LAMA1: variants seen among roughly 807,000 people sequenced by gnomAD.
LAMA1 encodes laminin subunit alpha 1, also known as laminin subunit alpha-1.
A neutral mutation model predicts 348.7 loss-of-function variants in LAMA1; 219 were observed. That is an observed-to-expected ratio of 0.63 (90% CI 0.56 to 0.70). The LOEUF (loss-of-function observed/expected upper bound fraction) is 0.70. Ranked by LOEUF, LAMA1 falls within the 30% of genes least tolerant of loss-of-function variation. LAMA1 has a pLI of 0.00. For missense variants in LAMA1, 3,744 were observed against 3,888.0 expected (o/e 0.96, Z 0.99); for synonymous variants, 1,487 against 1,491.0 (o/e 1.00, Z 0.06).
At position 7,032,964 on chromosome 18, in the gene LAMA1, C is replaced by T. The variant is rs1165825167; in HGVS notation, c.2163+20G>A. 1 of 1,558,332 alleles carries T rather than the reference C, an allele frequency of 6.4e-7. No homozygotes were observed. The highest frequency in any genetic ancestry group is 8.8e-7 in the Non-Finnish European group (1 of 1,139,196). ...TTAGGAAGGAACGAAAGGAAAAAGA[C>T]AGGAAGAGAGAAGCGTCACCTCACA... is the stretch of plus-strand genomic sequence containing the variant. On this transcript the variant is annotated intron_variant, in intron 15 of 62. Transcript: ENST00000389658.
chr18:7,111,515 A>G (rs2058335831), intron 1 of LAMA1, among the ~76,000 whole-genome samples: 1 of 152,214 alleles, frequency 6.6e-6, no homozygotes, highest in South Asian at 2.1e-4. Context: ...TGTCACACCC[A>G]GTATAAAGGA....
intron 28 of LAMA1, among the ~76,000 whole-genome samples, chr18:7,007,616 G>A (rs2057838576): frequency 2.0e-5 from 3 of 152,120 alleles, no homozygotes; most frequent in Non-Finnish European, 2.9e-5. Flanking sequence ...ATATGATTCT[G>A]CAAGTCCACT....
At chr18:6,965,683 C>G (rs758659606) in intron 49 of LAMA1, 3 of 514,440 alleles carry the variant, frequency 5.8e-6, no homozygotes, top group Non-Finnish European at 7.0e-6. Context: ...GGAATCTCCT[C>G]GTATCTTTTT....
In LAMA1 at chr18:6,997,846, A is replaced by C. The variant is rs1568024093; in HGVS notation, c.4702T>G (p.Leu1568Val). 6.2e-7 allele frequency: 1 copy of C among 1,614,208 alleles called. No homozygotes were observed. The change falls in exon 33 of 63, where the codon TTG becomes GTG. Residue 1568 changes from leucine (L) to valine (V), a missense_variant. By Grantham distance (32) the Leu-to-Val change is conservative (BLOSUM62 1). This residue lies in a region of LAMA1 where 1,983 missense variants were observed against 1,934.3 expected (regional missense o/e 1.03). Coordinates refer to ENST00000389658, the MANE Select transcript of LAMA1 (RefSeq NM_005559.4). ...DECVGVLLND[L>V]DEIGDAVLSL... is the part of the protein sequence containing the mutation. ...AGAACGGCATCACCAATCTCATCCA[A>C]GTCATTCAGCAGCACACCTACACAC...
chr18:6,949,822 A>G (rs1469068388), intron 58 of LAMA1, among the ~76,000 whole-genome samples: 2 of 152,236 alleles, frequency 1.3e-5, no homozygotes, highest in Admixed American at 1.3e-4. Context: ...AAATGCCACA[A>G]GGTTGGAATT....
rs182786666 is a variant in LAMA1 at position 6,948,140 on chromosome 18, T to A, written c.8710+263A>T. ...TGTGCATTACAGAACCTGGGGAAAC[T>A]ATAGATGAAACTAGCACCCCATGTC... is the stretch of plus-strand genomic sequence containing the variant. On this transcript the variant is annotated intron_variant, in intron 60 of 62. Transcript: ENST00000389658. Among the ~76,000 whole-genome samples, 298 of 152,318 alleles carry A rather than the reference T, an allele frequency of 2.0e-3. 4 individuals carry two copies. Among genetic ancestry groups the A allele is most frequent in the Non-Finnish European group, 1.4e-3 (94 of 68,030 alleles).
At chr18:7,048,210 C>CA (rs1039660312) in intron 5 of LAMA1, among the ~76,000 whole-genome samples, 6 of 151,528 alleles carry the variant, frequency 4.0e-5, no homozygotes, top group African/African-American at 1.2e-4. Flanking sequence ...TAAAAATGGA[C>CA]AAAAAAAATC....
rs1390805697 is a variant in LAMA1, at chr18:7,011,327, C to A, written c.3660G>T (p.Arg1220=). Residue 1220 remains arginine (R), a synonymous_variant, in exon 25 of 63, where the codon CGG becomes CGT. Coordinates refer to ENST00000389658, the MANE Select transcript of LAMA1 (RefSeq NM_005559.4). ...GGTCTCCTTGGAACTGCTGCGGCAGCCGCCAGTAAAACGGCTCTGCACGGA... is the reference window on the plus strand; with the variant it reads ...GGTCTCCTTGGAACTGCTGCGGCAGACGCCAGTAAAACGGCTCTGCACGGA... The part of the protein sequence containing the change: ...QHIRAEPFYW[R]LPQQFQGDQL... 1.9e-6 allele frequency: 3 copies of A among 1,611,906 alleles called. No individual in the cohort carries two copies. The Admixed American group carries it at 5.0e-5, about 27-fold the overall frequency.
chr18:7,099,339 G>T (rs937219444), intron 1 of LAMA1, among the ~76,000 whole-genome samples: 2 of 151,422 alleles, frequency 1.3e-5, no homozygotes, highest in Non-Finnish European at 2.9e-5. Flanking sequence ...GCGGAAGGCC[G>T]CAGGGTCCTC....
chr18:7,016,124 G>A lies in LAMA1; in HGVS notation c.2990-266C>T, dbSNP rs147947554. ...AGCCCTCACTAGGTGATCACAGAGG[G>A]AGCCAATATTTACTAAGCACTTACT... On this transcript the variant is annotated intron_variant, in intron 21 of 62. Coordinates refer to ENST00000389658, the MANE Select transcript of LAMA1 (RefSeq NM_005559.4). 2.0e-5 allele frequency among the ~76,000 whole-genome samples: 3 copies of A among 152,238 alleles called. No homozygotes were observed. In the East Asian group the frequency reaches 5.8e-4, roughly 30 times the overall value.
intron 37 of LAMA1, among the ~76,000 whole-genome samples, 193 bp from the exon 38 acceptor site, chr18:6,985,836 A>G: frequency 6.6e-6 from 1 of 152,116 alleles, no homozygotes; most frequent in Admixed American, 6.5e-5. Flanking sequence ...TCGGCTCACT[A>G]CAACCTCCAT....
In LAMA1 at chr18:6,985,252, G is replaced by C. The variant is rs199940262; in HGVS notation, c.5645C>G (p.Ala1882Gly). The change falls in exon 39 of 63, where the codon GCA becomes GGA. Residue 1882 changes from alanine (A) to glycine (G), a missense_variant. By Grantham distance (60) the Ala-to-Gly change is moderately conservative (BLOSUM62 0). Coordinates refer to ENST00000389658, the MANE Select transcript of LAMA1 (RefSeq NM_005559.4). ...GTGTTCCTACCTGTACAGAACATCT[G>C]CTAGTCTCTGGAACTCAGCGGCATG... ...EDHAAEFQRLADVLYSGLENI... is the reference protein window; with the variant it reads ...EDHAAEFQRLGDVLYSGLENI... The C allele has an allele frequency of 1.2e-6, 2 of 1,614,102 alleles. No individual in the cohort carries two copies. The highest frequency in any genetic ancestry group is 2.7e-5 in the African/African-American group (2 of 75,048).
chr18:7,097,301 G>C (rs534550357), intron 1 of LAMA1, among the ~76,000 whole-genome samples: 1 of 151,454 alleles, frequency 6.6e-6, no homozygotes, highest in African/African-American at 2.4e-5. Flanking sequence ...AAGAATGAAA[G>C]AAATTCAAGA....
In LAMA1 at chr18:7,016,509, G is replaced by A. The variant is rs772470993; in HGVS notation, c.2971C>T (p.Gln991Ter). The A allele has an allele frequency of 3.7e-6, 6 of 1,614,224 alleles. No homozygotes were observed. In the Admixed American group the frequency reaches 6.7e-5, roughly 18 times the overall value. ...GGCTTACGTGTACAGCTACCATCCT[G>A]GTAGGCGTAGAAGCCATGGGCACAC... is the stretch of plus-strand genomic sequence containing the variant. ...DRCAHGFYAY[Q>*]DGSCTPCDCP... Residue 991 changes from glutamine (Q) to a stop codon, truncating the protein, a stop_gained, in exon 21 of 63, where the codon CAG becomes TAG. Transcript: ENST00000389658. LOFTEE classifies it high-confidence loss of function.
At chr18:7,046,388 G>T in intron 5 of LAMA1, 21 bp from the exon 6 acceptor site, 2 of 1,438,700 alleles carry the variant, frequency 1.4e-6, no homozygotes, top group South Asian at 1.2e-5. Flanking sequence ...AGAAAGTTAT[G>T]AACAAAAATT....
At chr18:6,993,550 A>C (rs1234689622) in intron 35 of LAMA1, 91 bp downstream of exon 35, 1 of 967,400 alleles carries the variant, frequency 1.0e-6, no homozygotes, top group East Asian at 2.4e-5. Context: ...CCGATGCAAG[A>C]GATATACATC....
chr18:6,965,324 A>C lies in LAMA1; in HGVS notation c.7159T>G (p.Trp2387Gly), dbSNP rs1568010214. The change falls in exon 50 of 63, where the codon TGG becomes GGG. Residue 2387 changes from tryptophan to glycine, a missense_variant. Around this residue, in one of 3 missense-constraint regions of LAMA1, gnomAD observed 1,983 missense variants for 1,934.3 expected, o/e 1.03. Transcript: ENST00000389658. ...LTDRRYNNGT[W>G]YKIAFQRNRK... ...TTTCGCTGGAAGGCAATTTTGTACC[A>C]GGTTCCATTGTTATAACGTCTGTCT... The C allele has an allele frequency of 1.2e-6, 2 of 1,614,186 alleles. No homozygotes were observed. Among genetic ancestry groups the C allele is most frequent in the Admixed American group, 1.7e-5 (1 of 60,016 alleles).
At chr18:6,954,944 G>GA (rs2057568174) in intron 57 of LAMA1, 1 of 324,054 alleles carries the variant, frequency 3.1e-6, no homozygotes, top group East Asian at 8.0e-5. Flanking sequence ...GTGCAGAGAG[G>GA]GGTGGGTGTG....
chr18:7,097,128 C>A (rs1472804124), intron 1 of LAMA1, among the ~76,000 whole-genome samples: 3 of 152,226 alleles, frequency 2.0e-5, no homozygotes, highest in Admixed American at 2.0e-4. Flanking sequence ...AGGTTTTAGT[C>A]CCAGTAGGGT....
Sources: allele counts gnomAD v4.1 joint callset (sites outside exome capture counted in the v4.1 genomes callset), GRCh38; gene constraint gnomAD v4.1.1; regional missense constraint gnomAD v4.1.1; transcripts MANE v1.5; gene names NCBI Gene and HGNC (gene_info 2026-07-23, HGNC 2026-07-21).